The following CNMD variants were observed in gnomAD, a reference collection of about 807,000 sequenced individuals.
The protein encoded by CNMD is leukocyte cell-derived chemotaxin 1.
CNMD carries 30 observed loss-of-function variants against 37.5 expected under a neutral mutation model. The observed-to-expected ratio is 0.80, with a 90% CI of 0.60 to 1.09. The LOEUF is 1.09. CNMD is among the 50% of genes least tolerant of loss of function. CNMD has a pLI of 0.00. For missense variants in CNMD, 398 were observed against 423.9 expected, an observed-to-expected ratio of 0.94 and a Z score of 0.54; for synonymous variants, 167 against 148.2, an observed-to-expected ratio of 1.13 and a Z score of -0.92.
At chr13:52,728,756 T>G (rs1042147539) in intron 3 of CNMD, among the ~76,000 whole-genome samples, 4 of 152,186 alleles carry the variant, frequency 2.6e-5, no homozygotes, top group African/African-American at 9.6e-5. Context: ...CTGATTCTAC[T>G]GAATGATTCG....
chr13:52,706,146 ATAAT>A (rs752082777), intron 6 of CNMD, among the ~76,000 whole-genome samples: 10 of 152,236 alleles, frequency 6.6e-5, no homozygotes, highest in African/African-American at 1.9e-4. Flanking sequence ...ACCCTTACAC[ATAAT>A]TAAAGACAAG....
Position 52,713,268 on chromosome 13 carries a change from G to A in CNMD, c.469-399C>T, listed in dbSNP as rs1964321252. ...TCATTTGAAGTGAAAATCTTGTGGG[G>A]TTTTGTTCTGCAGCTTCTGAACAAC... On this transcript the variant is annotated intron_variant, in intron 4 of 6. Coordinates refer to ENST00000377962, the MANE Select transcript of CNMD (RefSeq NM_007015.3). Among the ~76,000 whole-genome samples, 7 of 152,280 alleles carry A rather than the reference G, an allele frequency of 4.6e-5. No individual in the cohort carries two copies. In the South Asian group the frequency reaches 1.5e-3, roughly 32 times the overall value.
intron 4 of CNMD, among the ~76,000 whole-genome samples, chr13:52,721,500 G>A (rs765000685): frequency 6.6e-6 from 1 of 152,236 alleles, no homozygotes; most frequent in African/African-American, 2.4e-5. Context: ...GGAAGGCACT[G>A]TTCCTCATGG....
At chr13:52,729,970 C>A in intron 3 of CNMD, among the ~76,000 whole-genome samples, 1 of 120,880 alleles carries the variant, frequency 8.3e-6, no homozygotes, top group Admixed American at 9.5e-5. Context: ...CTCATGCTAT[C>A]CCTCCCCCCA....
At chr13:52,708,466 C>G (rs772528560) in intron 6 of CNMD, 70 bp downstream of exon 6, 85 of 1,421,526 alleles carry the variant, frequency 6.0e-5, no homozygotes, top group Non-Finnish European at 7.5e-5. Flanking sequence ...CAGGCGTAAG[C>G]CACCACGCCC....
Position 52,703,752 on chromosome 13 carries a change from C to A in CNMD, c.848G>T (p.Cys283Phe). The A allele has an allele frequency of 6.2e-7, 1 of 1,613,958 alleles. No homozygotes were observed. ...GGTGTAGCTCCGCCTACATTCTATA[C>A]AACAGATTCCTTCGTGATCCAGTCT... ...DPRLDHEGICCIECRRSYTHC... is the reference protein window; with the variant it reads ...DPRLDHEGICFIECRRSYTHC... The change falls in exon 7 of 7, where the codon TGT becomes TTT. Residue 283 changes from cysteine to phenylalanine, a missense_variant. Transcript: ENST00000377962.
intron 5 of CNMD, among the ~76,000 whole-genome samples, chr13:52,709,811 A>T (rs1354364534): frequency 2.0e-5 from 3 of 152,216 alleles, no homozygotes; most frequent in Non-Finnish European, 4.4e-5. Flanking sequence ...CATCTCTACT[A>T]AAAATACAAT....
intron 4 of CNMD, among the ~76,000 whole-genome samples, chr13:52,719,909 C>T (rs985500453): frequency 6.6e-6 from 1 of 152,154 alleles, no homozygotes; most frequent in African/African-American, 2.4e-5. Flanking sequence ...TGGATAATAT[C>T]CTGAAGAGTG....
chr13:52,724,193 G>A, intron 3 of CNMD, 83 bp from the exon 4 acceptor site: 1 of 1,020,982 alleles, frequency 9.8e-7, no homozygotes, highest in Non-Finnish European at 1.5e-6. Context: ...TCCAGATGCT[G>A]TTCCGGGTGC....
In CNMD at chr13:52,729,533, T is replaced by C. The variant is rs576378292; in HGVS notation, c.354+3686A>G. On this transcript the variant is annotated intron_variant, in intron 3 of 6. Transcript: ENST00000377962. ...TAAATTGCCAACACACACTTGTGTCTGTCTGCATTTTGGGCTGTGGCATTG... is the reference window on the plus strand; with the variant it reads ...TAAATTGCCAACACACACTTGTGTCCGTCTGCATTTTGGGCTGTGGCATTG... Among the ~76,000 whole-genome samples, 3 of 152,378 alleles carry C rather than the reference T, an allele frequency of 2.0e-5. No homozygotes were observed. In the South Asian group the frequency reaches 6.2e-4, roughly 32 times the overall value.
intron 5 of CNMD, 142 bp downstream of exon 5, chr13:52,712,574 A>G: frequency 6.0e-6 from 3 of 500,912 alleles, no homozygotes; most frequent in Non-Finnish European, 6.8e-6. Flanking sequence ...TTCATCTCTC[A>G]TGCTAATTAC....
At position 52,724,060 on chromosome 13, in the gene CNMD, C is replaced by T. The variant is rs369328530; in HGVS notation, c.405G>A (p.Ala135=). 93 of 1,614,072 alleles carry T rather than the reference C, an allele frequency of 5.8e-5. No homozygotes were observed. The highest frequency in any genetic ancestry group is 1.6e-4 in the Middle Eastern group (1 of 6,062). ...FAGGEKCYIK[A]QVKARIPEVG... ...CCTCAGGAATACGAGCCTTCACTTG[C>T]GCTTTAATGTAGCACTTCTCTCCTC... The change falls in exon 4 of 7, where the codon GCG becomes GCA. Residue 135 remains alanine (A), a synonymous_variant. Coordinates refer to ENST00000377962, the MANE Select transcript of CNMD (RefSeq NM_007015.3).
chr13:52,733,516 C>G, intron 2 of CNMD, 157 bp from the exon 3 acceptor site: 1 of 744,758 alleles, frequency 1.3e-6, no homozygotes, highest in East Asian at 2.7e-5. Flanking sequence ...TTCATTCATA[C>G]AACAATCAGT....
intron 2 of CNMD, among the ~76,000 whole-genome samples, chr13:52,736,437 A>C (rs1051544140): frequency 6.6e-6 from 1 of 152,028 alleles, no homozygotes; most frequent in Admixed American, 6.5e-5. Context: ...CCTGCAGCCC[A>C]CCTTTTATGT....
intron 4 of CNMD, among the ~76,000 whole-genome samples, chr13:52,721,582 A>C (rs1026459330): frequency 6.6e-6 from 1 of 152,132 alleles, no homozygotes; most frequent in Non-Finnish European, 1.5e-5. Context: ...GGGTGAGTCT[A>C]TGCCCCACCC....
intron 5 of CNMD, among the ~76,000 whole-genome samples, chr13:52,711,000 C>T (rs1267049662): frequency 7.2e-5 from 11 of 152,156 alleles, no homozygotes; most frequent in African/African-American, 2.4e-4. Flanking sequence ...TTCCATAGCA[C>T]CTTGTATCAT....
At chr13:52,727,972 C>A (rs2138263149) in intron 3 of CNMD, among the ~76,000 whole-genome samples, 1 of 152,270 alleles carries the variant, frequency 6.6e-6, no homozygotes, top group East Asian at 1.9e-4. Context: ...ATGTTCCCAA[C>A]ACATAGAAAT....
At chr13:52,725,539 A>C (rs1964557901) in intron 3 of CNMD, among the ~76,000 whole-genome samples, 1 of 152,158 alleles carries the variant, frequency 6.6e-6, no homozygotes, top group South Asian at 2.1e-4. Context: ...CTGAAAGCAC[A>C]GCCCCGATTC....
chr13:52,714,855 C>A (rs982185914), intron 4 of CNMD, among the ~76,000 whole-genome samples: 1 of 152,120 alleles, frequency 6.6e-6, no homozygotes, highest in Non-Finnish European at 1.5e-5. Context: ...ATTTTATTAT[C>A]TATACTTTTT....
Sources: allele counts gnomAD v4.1 joint callset (sites outside exome capture counted in the v4.1 genomes callset), GRCh38; gene constraint gnomAD v4.1.1; transcripts MANE v1.5; gene names NCBI Gene and HGNC (gene_info 2026-07-23, HGNC 2026-07-21).